Variants in UNC13B observed in about 807,000 individuals in gnomAD.
UNC13B encodes the protein unc-13 homolog B.
A neutral mutation model predicts 211.0 loss-of-function variants in UNC13B; 144 were observed. The observed-to-expected ratio is 0.68, with a 90% CI of 0.60 to 0.78. The LOEUF (loss-of-function observed/expected upper bound fraction) is 0.78, where lower values mean the gene tolerates loss of function less well. Among genes scored for constraint, UNC13B ranks in the 30% least tolerant of loss-of-function variants. The pLI is 0.00. For missense variants in UNC13B, 1,777 were observed against 2,002.0 expected (o/e 0.89, Z 2.14); for synonymous variants, 709 against 725.8 (o/e 0.98, Z 0.37).
intron 11 of UNC13B, among the ~76,000 whole-genome samples, chr9:35,364,059 T>G (rs540836220): frequency 1.3e-5 from 2 of 152,272 alleles, no homozygotes. Flanking sequence ...AAGCCTGCAT[T>G]GCAAAATGGA....
chr9:35,185,125 T>G (rs1822287771), intron 1 of UNC13B, among the ~76,000 whole-genome samples: 1 of 152,224 alleles, frequency 6.6e-6, no homozygotes, highest in Non-Finnish European at 1.5e-5. Context: ...CCTAAGGTAC[T>G]TTTGTTATAG....
At chr9:35,314,079 A>G in intron 11 of UNC13B, 90 bp downstream of exon 11, 5 of 1,036,918 alleles carry the variant, frequency 4.8e-6, no homozygotes, top group South Asian at 3.9e-5. Flanking sequence ...GTGATTAGTC[A>G]TCTTCTTACA....
At chr9:35,176,082 T>G (rs988052286) in intron 1 of UNC13B, among the ~76,000 whole-genome samples, 38 of 149,690 alleles carry the variant, frequency 2.5e-4, no homozygotes, top group African/African-American at 8.6e-4. Context: ...ATTTTGTAGC[T>G]TGAAGGGAAG....
intron 1 of UNC13B, among the ~76,000 whole-genome samples, chr9:35,193,021 A>T (rs544812958): frequency 6.6e-5 from 10 of 152,294 alleles, no homozygotes; most frequent in Admixed American, 2.0e-4. Flanking sequence ...ACCCCCAGCC[A>T]TGGAACCAGA....
chr9:35,277,205 A>C (rs1205029143), intron 7 of UNC13B, among the ~76,000 whole-genome samples: 1 of 152,156 alleles, frequency 6.6e-6, no homozygotes, highest in Non-Finnish European at 1.5e-5. Flanking sequence ...AGGAAAAAAA[A>C]CAATGATCAT....
chr9:35,368,102 G>A (rs4610835), intron 12 of UNC13B, among the ~76,000 whole-genome samples: 12,361 of 152,084 alleles, frequency 0.081, 1,700 homozygotes, highest in African/African-American at 0.28. Context: ...GGGTACATGT[G>A]CAGGTTTGTT....
Position 35,237,710 on chromosome 9 carries a change from C to G in UNC13B, c.278C>G (p.Pro93Arg), listed in dbSNP as rs1378754251. The change falls in exon 5 of 40, where the codon CCT (proline) becomes CGT (arginine). Residue 93 changes from proline to arginine, a missense_variant. Coordinates refer to ENST00000635942, the MANE Select transcript of UNC13B (RefSeq NM_001371189.2). ...TAGATCTTTGTTTCCTAGGAAGGGC[C>G]TGGGGAATGGTCCACATTAGAGGCA... ...KTIRQSDEEGPGEWSTLEAET... is the reference protein window; with the variant it reads ...KTIRQSDEEGRGEWSTLEAET... 6.2e-7 allele frequency: 1 copy of G among 1,612,970 alleles called. No individual in the cohort carries two copies. Among genetic ancestry groups the G allele is most frequent in the Non-Finnish European group, 8.5e-7 (1 of 1,179,746 alleles).
chr9:35,294,307 T>C (rs1444250355), intron 7 of UNC13B, among the ~76,000 whole-genome samples: 3 of 150,978 alleles, frequency 2.0e-5, no homozygotes, highest in Non-Finnish European at 4.4e-5. Flanking sequence ...TGCTACAAGA[T>C]TATCTTTTTT....
In UNC13B at chr9:35,396,869, C is replaced by T. The variant is rs755164522; in HGVS notation, c.11464C>T (p.Leu3822=). 1.2e-6 allele frequency: 2 copies of T among 1,614,160 alleles called. No homozygotes were observed. Among genetic ancestry groups the T allele is most frequent in the Admixed American group, 3.3e-5 (2 of 60,016 alleles). Residue 3822 remains leucine (L), a synonymous_variant, in exon 28 of 40, where the codon CTG becomes TTG. Coordinates refer to ENST00000635942, the MANE Select transcript of UNC13B (RefSeq NM_001371189.2). ...GTTTGAGCAGTTCGTGCTACAATGG[C>T]TGGATGAGAATGAGGATGTATCCCT... The part of the protein sequence containing the change: ...AWFEQFVLQW[L]DENEDVSLEF...
intron 6 of UNC13B, among the ~76,000 whole-genome samples, chr9:35,251,120 AC>A (rs1826452102): frequency 6.6e-6 from 1 of 151,420 alleles, no homozygotes; most frequent in South Asian, 2.1e-4. Flanking sequence ...CCGCCACCGC[AC>A]CCGGCTAATT....
intron 20 of UNC13B, 32 bp from the exon 21 acceptor site, chr9:35,382,325 G>C: frequency 6.3e-7 from 1 of 1,599,760 alleles, no homozygotes; most frequent in Non-Finnish European, 8.5e-7. Context: ...GCCCTGAAGA[G>C]TCTTTGAGGC....
chr9:35,167,255 A>G (rs1821085263), intron 1 of UNC13B, among the ~76,000 whole-genome samples: 1 of 151,338 alleles, frequency 6.6e-6, no homozygotes, highest in African/African-American at 2.4e-5. Context: ...TTGTATTTTT[A>G]GTAGAGACAG....
chr9:35,353,164 A>C, intron 11 of UNC13B: 1 of 1,232,146 alleles, frequency 8.1e-7, no homozygotes, highest in Non-Finnish European at 1.0e-6. Context: ...ACCTGAATGA[A>C]GAGGAGGAAT....
intron 11 of UNC13B, among the ~76,000 whole-genome samples, chr9:35,339,004 A>C (rs1831826380): frequency 6.6e-6 from 1 of 152,178 alleles, no homozygotes; most frequent in Non-Finnish European, 1.5e-5. Context: ...TTTTCTGACT[A>C]ACCCACCCAT....
chr9:35,315,853 G>T (rs1830425088), intron 11 of UNC13B, among the ~76,000 whole-genome samples: 2 of 152,176 alleles, frequency 1.3e-5, no homozygotes, highest in Admixed American at 1.3e-4. Context: ...GGTCCATTCA[G>T]TGTTTCCTCA....
intron 10 of UNC13B, among the ~76,000 whole-genome samples, chr9:35,313,138 G>A (rs1830264931): frequency 6.6e-6 from 1 of 152,142 alleles, no homozygotes; most frequent in African/African-American, 2.4e-5. Context: ...ATTGACTCAG[G>A]GCTCTCGCCA....
chr9:35,392,833 A>G (rs1415643270), intron 26 of UNC13B, among the ~76,000 whole-genome samples: 1 of 152,200 alleles, frequency 6.6e-6, no homozygotes, highest in Non-Finnish European at 1.5e-5. Context: ...AAACATTAAA[A>G]AAAAGAAAAG....
rs897219737 is a variant in UNC13B at position 35,353,348 on chromosome 9, A to G, written c.9415-13599A>G. 2.4e-5 allele frequency: 30 copies of G among 1,232,142 alleles called. No individual in the cohort carries two copies. The African/African-American group carries it at 3.7e-4, about 15-fold the overall frequency. The allele number at this position is 1,232,142 out of a possible 1,614,324, so 76.3% of individuals were successfully genotyped here. ...TCAGAAGCTGGAGAACAGTGGGTCC[A>G]TCAGTCCTGAGGACCTGGAAAGCAA... On this transcript the variant is annotated intron_variant, in intron 11 of 39. Transcript: ENST00000635942.
intron 23 of UNC13B, 119 bp downstream of exon 23, chr9:35,385,932 A>G (rs1473217759): frequency 7.0e-7 from 1 of 1,425,874 alleles, no homozygotes; most frequent in Non-Finnish European, 9.5e-7. Flanking sequence ...CTAAGCTTAC[A>G]TTTCTGTGTA....
Sources: allele counts gnomAD v4.1 joint callset (sites outside exome capture counted in the v4.1 genomes callset), GRCh38; gene constraint gnomAD v4.1.1; transcripts MANE v1.5; gene names NCBI Gene and HGNC (gene_info 2026-07-23, HGNC 2026-07-21).